The following SFI1 variants were observed in gnomAD, a reference collection of about 807,000 sequenced individuals.
The protein encoded by SFI1 is SFI1 centrin binding protein, also known as protein SFI1 homolog.
Under a neutral mutation model 207.5 loss-of-function variants are expected in SFI1, and 195 were observed. That is an observed-to-expected ratio of 0.94 (90% CI 0.84 to 1.06). The LOEUF (loss-of-function observed/expected upper bound fraction) is 1.06, where lower values mean the gene tolerates loss of function less well. SFI1 is among the 50% of genes least tolerant of loss of function. The pLI, the probability that SFI1 is intolerant of heterozygous loss-of-function variation, is 0.00. For synonymous variants in SFI1, 630 were observed against 598.9 expected (o/e 1.05, Z -0.76); for missense variants, 1,634 against 1,588.0 (o/e 1.03, Z -0.49).
At chr22:31,508,169 A>T in intron 1 of SFI1, 86 bp from the exon 2 acceptor site, 1 of 739,338 alleles carries the variant, frequency 1.4e-6, no homozygotes, top group Non-Finnish European at 2.5e-6. Context: ...AGAGCAGGAG[A>T]CTAGGAGCTG....
chr22:31,606,287 T>G (rs779286894), intron 20 of SFI1, 41 bp from the exon 21 acceptor site: 1 of 1,570,382 alleles, frequency 6.4e-7, no homozygotes, highest in Non-Finnish European at 8.8e-7. Flanking sequence ...TCTCTCTCTA[T>G]CCTGGTGTCA....
At chr22:31,506,813 G>A (rs1237382041) in intron 1 of SFI1, among the ~76,000 whole-genome samples, 1 of 152,044 alleles carries the variant, frequency 6.6e-6, no homozygotes, top group Non-Finnish European at 1.5e-5. Flanking sequence ...GGAAGTGAAA[G>A]ACCTCTTCAA....
At chr22:31,522,748 C>T (rs566086133) in intron 2 of SFI1, among the ~76,000 whole-genome samples, 10 of 152,138 alleles carry the variant, frequency 6.6e-5, no homozygotes, top group Admixed American at 3.3e-4. Context: ...CTCTGCCTCC[C>T]GTGTTTAAGC....
intron 1 of SFI1, among the ~76,000 whole-genome samples, chr22:31,504,878 A>G (rs1010526506): frequency 1.3e-5 from 2 of 152,122 alleles, no homozygotes; most frequent in Non-Finnish European, 2.9e-5. Flanking sequence ...GTGTTGGATT[A>G]TGGGCCCACC....
chr22:31,557,054 C>T lies in SFI1; in HGVS notation c.657C>T (p.Ile219=). The T allele has an allele frequency of 6.3e-7, 1 of 1,596,040 alleles. No individual in the cohort carries two copies. Among genetic ancestry groups the T allele is most frequent in the Non-Finnish European group, 8.6e-7 (1 of 1,168,824 alleles). The change falls in exon 7 of 33, where the codon ATC becomes ATT. Residue 219 remains isoleucine (I), a synonymous_variant. Transcript: ENST00000400288. ...TTALEFRQRI[I]LRVWWSTWRQ... ...CTCTGGAGTTTAGGCAACGGATTAT[C>T]TTACGGTGAGTCTGCTCAACTGCCC...
At chr22:31,566,187 A>G (rs1454285485) in intron 8 of SFI1, among the ~76,000 whole-genome samples, 1 of 148,426 alleles carries the variant, frequency 6.7e-6, no homozygotes, top group Non-Finnish European at 1.5e-5. Context: ...TCCGCCTCCC[A>G]GGTTCAAGCA....
In SFI1 at chr22:31,532,830, C is replaced by T. The variant is rs966763878; in HGVS notation, c.338+1701C>T. 6.6e-5 allele frequency among the ~76,000 whole-genome samples: 10 copies of T among 152,176 alleles called. No individual in the cohort carries two copies. The East Asian group carries it at 7.7e-4, about 12-fold the overall frequency. On this transcript the variant is annotated intron_variant, in intron 4 of 32. Coordinates refer to ENST00000400288, the MANE Select transcript of SFI1 (RefSeq NM_001007467.3). ...AAAACTTACTTGCAAGGCCACTGAG[C>T]GAGGAGGTAGGAGAACAGGTCTCAA... is the stretch of plus-strand genomic sequence containing the variant.
At chr22:31,611,047 C>T in intron 22 of SFI1, 96 bp from the exon 23 acceptor site, 1 of 1,519,336 alleles carries the variant, frequency 6.6e-7, no homozygotes, top group Middle Eastern at 1.8e-4. Flanking sequence ...GAACTCTATC[C>T]CTGCACAGCC....
chr22:31,502,683 T>A (rs2053995569), intron 1 of SFI1, among the ~76,000 whole-genome samples: 1 of 152,116 alleles, frequency 6.6e-6, no homozygotes, highest in South Asian at 2.1e-4. Context: ...CAGGTTCAAT[T>A]TTTTAGCAAG....
chr22:31,606,522 G>T (rs774881088), intron 21 of SFI1, 92 bp downstream of exon 21: 1 of 993,832 alleles, frequency 1.0e-6, no homozygotes, highest in Non-Finnish European at 1.5e-6. Flanking sequence ...CCAGAGATTT[G>T]AACTGAATAA....
intron 14 of SFI1, among the ~76,000 whole-genome samples, chr22:31,586,901 A>G (rs1354417583): frequency 6.6e-6 from 1 of 152,224 alleles, no homozygotes; most frequent in African/African-American, 2.4e-5. Context: ...AGCACTGCTT[A>G]GTCATTCCTA....
intron 7 of SFI1, among the ~76,000 whole-genome samples, chr22:31,558,614 A>C (rs1023132859): frequency 4.0e-5 from 6 of 151,446 alleles, no homozygotes; most frequent in Non-Finnish European, 7.4e-5. Flanking sequence ...AGTAGCTGGG[A>C]TTACAGGCGC....
intron 2 of SFI1, among the ~76,000 whole-genome samples, chr22:31,521,937 G>C (rs1333985563): frequency 1.3e-5 from 2 of 151,066 alleles, no homozygotes; most frequent in Non-Finnish European, 1.5e-5. Flanking sequence ...CTAACTTTTT[G>C]TATTTTTAGT....
At chr22:31,502,814 G>A (rs2054014457) in intron 1 of SFI1, among the ~76,000 whole-genome samples, 2 of 151,976 alleles carry the variant, frequency 1.3e-5, no homozygotes, top group Non-Finnish European at 2.9e-5. Flanking sequence ...TTATACTTAA[G>A]TGTAACTGAG....
intron 10 of SFI1, chr22:31,578,176 C>T (rs985741647): frequency 1.3e-5 from 5 of 377,056 alleles, no homozygotes; most frequent in African/African-American, 1.0e-4. Flanking sequence ...GGGAGGAATG[C>T]AAGACCAGAT....
Position 31,618,522 on chromosome 22 carries a change from C to G in SFI1, c.*104C>G. 1 of 1,167,010 alleles carries G rather than the reference C, an allele frequency of 8.6e-7. No homozygotes were observed. The highest frequency in any genetic ancestry group is 1.1e-6 in the Non-Finnish European group (1 of 874,514). 72.3% of individuals were successfully genotyped at this position (1,167,010 alleles called of 1,614,324 possible). On this transcript the variant is annotated 3_prime_UTR_variant, in exon 33 of 33. Coordinates refer to ENST00000400288, the MANE Select transcript of SFI1 (RefSeq NM_001007467.3). Reference sequence around the variant, plus strand: ...GTTTGATTTTTTTTATTTCAAAATGCTTTGCAATTAAATGAATTACTGTTC... The same window carrying G: ...GTTTGATTTTTTTTATTTCAAAATGGTTTGCAATTAAATGAATTACTGTTC...
rs538344945 is a variant in SFI1 at position 31,538,934 on chromosome 22, C to T, written c.338+7805C>T. Among the ~76,000 whole-genome samples the T allele has an allele frequency of 2.3e-3, 346 of 152,242 alleles. 3 individuals are homozygous for T. Among genetic ancestry groups the T allele is most frequent in the Non-Finnish European group, 3.7e-3 (254 of 68,024 alleles). On this transcript the variant is annotated intron_variant, in intron 4 of 32. Transcript: ENST00000400288. ...TCTGCCTTGAAACTCTGGACTTTTA[C>T]GTACGTGACAACTCCACTGGGTGTC...
At chr22:31,604,580 C>G in intron 19 of SFI1, 176 bp downstream of exon 19, 1 of 620,884 alleles carries the variant, frequency 1.6e-6, no homozygotes, top group Non-Finnish European at 2.7e-6. Context: ...TTGATTCTTG[C>G]TTGGCCAAGT....
intron 10 of SFI1, 139 bp from the exon 11 acceptor site, chr22:31,578,243 G>T: frequency 1.7e-6 from 1 of 592,948 alleles, no homozygotes. Flanking sequence ...GGGTCATCAG[G>T]AGTAGACAGA....
Sources: allele counts gnomAD v4.1 joint callset (sites outside exome capture counted in the v4.1 genomes callset), GRCh38; gene constraint gnomAD v4.1.1; transcripts MANE v1.5; gene names NCBI Gene and HGNC (gene_info 2026-07-23, HGNC 2026-07-21).